Variants in FANCC observed in about 807,000 individuals in gnomAD.
FANCC encodes the protein FA complementation group C.
In FANCC, 55 loss-of-function variants were observed where a neutral mutation model predicts 71.3. The ratio of observed to expected loss-of-function variants is 0.77; its 90% confidence interval spans 0.62 to 0.97. FANCC has a LOEUF of 0.97. FANCC is among the 50% of genes least tolerant of loss of function. The pLI, the probability that FANCC is intolerant of heterozygous loss-of-function variation, is 0.00. For synonymous variants in FANCC, 275 were observed against 244.9 expected, an observed-to-expected ratio of 1.12 and a Z score of -1.15; for missense variants, 678 against 670.9, an observed-to-expected ratio of 1.01 and a Z score of -0.12.
chr9:95,240,536 G>C (rs1021869109), intron 4 of FANCC, 113 bp downstream of exon 4: 1 of 720,586 alleles, frequency 1.4e-6, no homozygotes, highest in Non-Finnish European at 2.5e-6. Context: ...GTTTGAAAAA[G>C]TTTCTAAAAC....
chr9:95,181,939 A>C (rs1418538611), intron 4 of FANCC, among the ~76,000 whole-genome samples: 2 of 152,118 alleles, frequency 1.3e-5, no homozygotes, highest in Non-Finnish European at 2.9e-5. Flanking sequence ...TCCTTGCCTC[A>C]CTGTATCTGC....
chr9:95,146,131 T>C (rs75651009), intron 7 of FANCC, among the ~76,000 whole-genome samples: 1,591 of 152,214 alleles, frequency 0.01, 29 homozygotes, highest in African/African-American at 0.037. Flanking sequence ...TTAAAATGCA[T>C]TGTATAGCAA....
intron 1 of FANCC, among the ~76,000 whole-genome samples, chr9:95,289,097 G>A (rs1354997227): frequency 6.6e-6 from 1 of 152,058 alleles, no homozygotes; most frequent in Non-Finnish European, 1.5e-5. Flanking sequence ...GCAAGACCCT[G>A]TCTCTAGAAA....
intron 1 of FANCC, among the ~76,000 whole-genome samples, chr9:95,288,085 G>T (rs1833789856): frequency 6.6e-6 from 1 of 152,044 alleles, no homozygotes; most frequent in Admixed American, 6.6e-5. Context: ...TCTCTGTACA[G>T]AACAAGTACT....
intron 7 of FANCC, among the ~76,000 whole-genome samples, chr9:95,140,834 T>C (rs1828540909): frequency 6.6e-6 from 1 of 152,144 alleles, no homozygotes; most frequent in South Asian, 2.1e-4. Context: ...GTTGCCATCA[T>C]TATCATCTGC....
intron 11 of FANCC, among the ~76,000 whole-genome samples, chr9:95,117,005 C>G (rs1417850063): frequency 6.6e-6 from 1 of 152,224 alleles, no homozygotes; most frequent in African/African-American, 2.4e-5. Context: ...TAGCCTGTTC[C>G]TGGCATCTGG....
chr9:95,241,047 T>C (rs1421714188), intron 3 of FANCC, among the ~76,000 whole-genome samples: 1 of 152,222 alleles, frequency 6.6e-6, no homozygotes, highest in Non-Finnish European at 1.5e-5. Flanking sequence ...CAATTTCCTT[T>C]CTGTAACAGT....
chr9:95,183,951 AT>A (rs911182653), intron 4 of FANCC, among the ~76,000 whole-genome samples: 19 of 152,204 alleles, frequency 1.2e-4, no homozygotes, highest in African/African-American at 3.9e-4. Context: ...GCCCACCAAA[AT>A]GTATTTCTCA....
chr9:95,117,461 C>CT (rs1225429028), intron 10 of FANCC, 71 bp from the exon 11 acceptor site: 17 of 1,269,562 alleles, frequency 1.3e-5, no homozygotes, highest in Non-Finnish European at 1.9e-5. Context: ...ATACAAAACT[C>CT]TGAGTCCTCT....
rs760653185 is a variant in FANCC at position 95,249,250 on chromosome 9, A to G, written c.42T>C (p.Phe14=). ...CCCATACAGAAAGCTTCTGCATCCA[A>G]AACTGATAATCACAAGAAAGATCTA... ...DSVDLSCDYQ[F]WMQKLSVWDQ... is the part of the protein sequence containing the mutation. Residue 14 remains phenylalanine, a synonymous_variant, in exon 2 of 15, where the codon TTT becomes TTC. Transcript: ENST00000289081. 6.2e-7 allele frequency: 1 copy of G among 1,614,228 alleles called. No homozygotes were observed. The highest frequency in any genetic ancestry group is 8.5e-7 in the Non-Finnish European group (1 of 1,180,026).
intron 1 of FANCC, chr9:95,293,676 T>G: frequency 1.2e-6 from 2 of 1,614,098 alleles, no homozygotes; most frequent in Non-Finnish European, 1.7e-6. Context: ...AACTGATTTG[T>G]TGTTTGATTC....
chr9:95,108,250 T>C (rs978627587), intron 13 of FANCC, among the ~76,000 whole-genome samples: 2 of 151,998 alleles, frequency 1.3e-5, no homozygotes, highest in African/African-American at 2.4e-5. Context: ...CGTGAGAAAC[T>C]GCACCATCGG....
intron 4 of FANCC, among the ~76,000 whole-genome samples, chr9:95,185,807 C>T (rs1259502376): frequency 2.6e-5 from 4 of 152,124 alleles, no homozygotes; most frequent in Non-Finnish European, 4.4e-5. Context: ...AACATGTTTT[C>T]GGAAACACTT....
At chr9:95,313,212 G>C (rs1047869206) in intron 1 of FANCC, among the ~76,000 whole-genome samples, 1 of 152,186 alleles carries the variant, frequency 6.6e-6, no homozygotes, top group African/African-American at 2.4e-5. Context: ...TGGGGAAGCG[G>C]CACACCCCAG....
intron 4 of FANCC, among the ~76,000 whole-genome samples, chr9:95,228,606 G>C (rs1251926556): frequency 3.9e-5 from 6 of 152,206 alleles, no homozygotes; most frequent in Admixed American, 1.3e-4. Flanking sequence ...GGGAGGTAAT[G>C]GGGAGACAGA....
chr9:95,233,688 A>G (rs929442562), intron 4 of FANCC, among the ~76,000 whole-genome samples: 10 of 152,264 alleles, frequency 6.6e-5, no homozygotes, highest in Non-Finnish European at 1.3e-4. Context: ...ATACCAAGGT[A>G]GAATGTGGAT....
intron 1 of FANCC, chr9:95,294,075 C>A (rs1261420260): frequency 1.3e-5 from 21 of 1,610,206 alleles, no homozygotes; most frequent in African/African-American, 4.0e-5. Context: ...CTTCACAGAA[C>A]ATGACAGATA....
intron 4 of FANCC, among the ~76,000 whole-genome samples, chr9:95,237,208 G>A (rs1319822538): frequency 2.0e-5 from 3 of 152,214 alleles, no homozygotes; most frequent in Admixed American, 6.5e-5. Flanking sequence ...TCCCAACCTC[G>A]CATATCCTCA....
chr9:95,146,487 CAAAAAAA>C (rs61093923), intron 7 of FANCC, among the ~76,000 whole-genome samples: 3 of 45,572 alleles, frequency 6.6e-5, no homozygotes, highest in Admixed American at 4.0e-4. Flanking sequence ...GACCCCATCT[CAAAAAAA>C]AAAAAAAAAA....
Sources: gnomAD v4.1 joint callset for allele counts (sites outside exome capture counted in the v4.1 genomes callset) on GRCh38, gnomAD v4.1.1 for gene constraint, MANE v1.5 for transcripts, NCBI Gene and HGNC (gene_info 2026-07-23, HGNC 2026-07-21) for gene names.